CHD6: variants seen among roughly 807,000 people sequenced by gnomAD.
The protein encoded by CHD6 is ATP-dependent chromatin remodeler CHD6.
A neutral mutation model predicts 276.9 loss-of-function variants in CHD6; 50 were observed. That is an observed-to-expected ratio of 0.18 (90% confidence interval 0.14 to 0.23). The LOEUF is 0.23. Among genes scored for constraint, CHD6 ranks in the 10% least tolerant of loss-of-function variants. CHD6 has a pLI of 1.00. For missense variants in CHD6, 2,564 were observed against 3,365.8 expected (o/e 0.76, Z 5.89); for synonymous variants, 1,173 against 1,229.3 (o/e 0.95, Z 0.96).
chr20:41,405,098 G>C lies in CHD6; in HGVS notation c.7643C>G (p.Ser2548Cys). The change falls in exon 37 of 37, where the codon TCC (serine) becomes TGC (cysteine). Residue 2548 changes from serine to cysteine, a missense_variant. Transcript: ENST00000373233. Reference sequence around the variant, plus strand: ...GCTTGATAGAGACGCCGGAGCAGTGGAAGTGCAGGTGGTTGCCATGGGTGG... The same window carrying C: ...GCTTGATAGAGACGCCGGAGCAGTGCAAGTGCAGGTGGTTGCCATGGGTGG... ...LSPPMATTCT[S>C]TAPASLSSTT... is the part of the protein sequence containing the mutation. 2.5e-6 allele frequency: 4 copies of C among 1,614,248 alleles called. No homozygotes were observed. Among genetic ancestry groups the C allele is most frequent in the Non-Finnish European group, 3.4e-6 (4 of 1,180,052 alleles).
intron 1 of CHD6, among the ~76,000 whole-genome samples, chr20:41,581,178 AT>A (rs2045534629): frequency 6.6e-6 from 1 of 152,226 alleles, no homozygotes; most frequent in Non-Finnish European, 1.5e-5. Flanking sequence ...TTTTGTCTTA[AT>A]CATCATAATC....
chr20:41,483,955 T>C (rs2043354056), intron 15 of CHD6, among the ~76,000 whole-genome samples: 1 of 152,250 alleles, frequency 6.6e-6, no homozygotes, highest in Non-Finnish European at 1.5e-5. Flanking sequence ...ACTGTTAATT[T>C]GTCTACAGAG....
rs546894408 is a variant in CHD6, at chr20:41,405,035, G to A, written c.7706C>T (p.Ala2569Val). Residue 2569 changes from alanine (A) to valine (V), a missense_variant, in exon 37 of 37, where the codon GCG becomes GTG. Physicochemically the swap from Ala to Val is moderately conservative, Grantham distance 64 (BLOSUM62 0). Transcript: ENST00000373233. The part of the protein sequence containing the change: ...KSGTAVTEKT[A>V]EDKPSSHDVK... ...ATCATGGCTACTCGGCTTGTCTTCC[G>A]CAGTCTTTTCAGTCACTGCCGTACC... 31 of 1,614,044 alleles carry A rather than the reference G, an allele frequency of 1.9e-5. No individual in the cohort carries two copies. In the South Asian group the frequency reaches 2.5e-4, roughly 13 times the overall value.
chr20:41,499,622 A>G (rs548753207), intron 5 of CHD6, among the ~76,000 whole-genome samples: 1 of 152,260 alleles, frequency 6.6e-6, no homozygotes, highest in Admixed American at 6.5e-5. Context: ...CATTTAACAT[A>G]CCTAAAATTG....
intron 16 of CHD6, among the ~76,000 whole-genome samples, chr20:41,477,470 G>A (rs915482231): frequency 2.6e-4 from 39 of 151,540 alleles, no homozygotes; most frequent in Non-Finnish European, 4.4e-4. Context: ...ATAAGACTTC[G>A]ATTATATGCC....
intron 5 of CHD6, among the ~76,000 whole-genome samples, chr20:41,511,071 T>C: frequency 6.6e-6 from 1 of 152,200 alleles, no homozygotes; most frequent in East Asian, 1.9e-4. Flanking sequence ...TCTTCATTGT[T>C]AAAATAGGGA....
At chr20:41,493,756 T>TA in intron 9 of CHD6, 84 bp from the exon 10 acceptor site, 1 of 1,562,406 alleles carries the variant, frequency 6.4e-7, no homozygotes, top group Non-Finnish European at 8.8e-7. Flanking sequence ...AAAACCACCC[T>TA]ACGTGACTAG....
rs145869539 is a variant in CHD6 at position 41,449,315 on chromosome 20, G to C, written c.3684-1344C>G. Among the ~76,000 whole-genome samples the C allele has an allele frequency of 2.7e-3, 416 of 152,314 alleles. 2 individuals carry two copies. The highest frequency in any genetic ancestry group is 0.024 in the Middle Eastern group (7 of 294). On this transcript the variant is annotated intron_variant, in intron 23 of 36. Coordinates refer to ENST00000373233, the MANE Select transcript of CHD6 (RefSeq NM_032221.5). ...TCGTAGCTGTCAGCTTTAGTAAAAA[G>C]TGGAACAGAATGTCAGAGTCCTGCC...
rs61752058 is a variant in CHD6 at position 41,420,784 on chromosome 20, C to T, written c.5851G>A (p.Glu1951Lys). The change falls in exon 31 of 37, where the codon GAG becomes AAG. Residue 1951 changes from glutamate (E) to lysine (K), a missense_variant. This residue lies in a region of CHD6 where 1,024 missense variants were observed against 1,047.9 expected (regional missense o/e 0.98). Coordinates refer to ENST00000373233, the MANE Select transcript of CHD6 (RefSeq NM_032221.5). ...KHMERWMHGL[E>K]NDEFEIEKPK... is the part of the protein sequence containing the mutation. The stretch of plus-strand genomic sequence containing the variant: ...TTCTCGATTTCAAATTCATCATTCT[C>T]GAGGCCATGCATCCACCTCTCCATG... 4.5e-4 allele frequency: 727 copies of T among 1,614,208 alleles called. 5 individuals carry two copies. The African/African-American group carries it at 8.8e-3, about 20-fold the overall frequency.
rs71193638 is a variant in CHD6, at chr20:41,498,811, A to ATGTGTGTG, written c.915+476_915+483dup. 1.5e-3 allele frequency among the ~76,000 whole-genome samples: 126 copies of ATGTGTGTG among 86,602 alleles called. 1 individual carries two copies. Among genetic ancestry groups the ATGTGTGTG allele is most frequent in the South Asian group, 4.3e-3 (12 of 2,816 alleles). The allele number at this position is 86,602 out of a possible 152,430, so 56.8% of individuals were successfully genotyped here. On this transcript the variant is annotated intron_variant, in intron 6 of 36. Coordinates refer to ENST00000373233, the MANE Select transcript of CHD6 (RefSeq NM_032221.5). ...TATGTATGTATGTATGTATGTATGT[A>ATGTGTGTG]TGTGTGTGTGTGTGTGTGTGTGTGT...
intron 36 of CHD6, 151 bp downstream of exon 36, chr20:41,411,993 G>T: frequency 1.8e-6 from 2 of 1,116,364 alleles, no homozygotes; most frequent in Non-Finnish European, 2.5e-6. Context: ...ATTTCTTGCT[G>T]CTAATCAACT....
At chr20:41,437,772 A>C (rs2047761353) in intron 26 of CHD6, among the ~76,000 whole-genome samples, 1 of 152,198 alleles carries the variant, frequency 6.6e-6, no homozygotes, top group Non-Finnish European at 1.5e-5. Context: ...CTGCATCCAC[A>C]GACAAGGAGG....
At position 41,402,825 on chromosome 20, in the gene CHD6, T is replaced by C. The variant is rs1292881981; in HGVS notation, c.*1768A>G. The C allele has an allele frequency of 1.4e-5, 3 of 209,720 alleles. No homozygotes were observed. In the East Asian group the frequency reaches 2.2e-4, roughly 15 times the overall value. 13.0% of individuals were successfully genotyped at this position (209,720 alleles called of 1,614,324 possible). Reference sequence around the variant, plus strand: ...TTAGTTAAATAGAGAGAGCAGCATTTCTAAGAAATCTGTGGTCAGCATTAT... The same window carrying C: ...TTAGTTAAATAGAGAGAGCAGCATTCCTAAGAAATCTGTGGTCAGCATTAT... On this transcript the variant is annotated 3_prime_UTR_variant, in exon 37 of 37. Coordinates refer to ENST00000373233, the MANE Select transcript of CHD6 (RefSeq NM_032221.5).
intron 1 of CHD6, among the ~76,000 whole-genome samples, chr20:41,585,495 T>C (rs1601168141): frequency 8.6e-6 from 1 of 116,310 alleles, no homozygotes; most frequent in South Asian, 2.6e-4. Flanking sequence ...GCAACAAGAG[T>C]GAAACTCCGT....
chr20:41,553,097 T>C (rs947320472), intron 1 of CHD6, among the ~76,000 whole-genome samples: 1 of 152,194 alleles, frequency 6.6e-6, no homozygotes, highest in Admixed American at 6.5e-5. Context: ...TTAGTACAAG[T>C]TTATCTCCTT....
intron 1 of CHD6, among the ~76,000 whole-genome samples, chr20:41,572,355 A>T (rs1409123905): frequency 6.6e-6 from 1 of 152,162 alleles, no homozygotes; most frequent in African/African-American, 2.4e-5. Context: ...ACAAAGCACA[A>T]AGCACATGGT....
intron 17 of CHD6, among the ~76,000 whole-genome samples, chr20:41,471,386 A>G (rs2043048288): frequency 6.6e-6 from 1 of 152,178 alleles, no homozygotes; most frequent in African/African-American, 2.4e-5. Context: ...TGGGTTATTC[A>G]TTACATCCAG....
intron 2 of CHD6, among the ~76,000 whole-genome samples, chr20:41,547,027 C>T (rs763232265): frequency 4.6e-5 from 7 of 152,028 alleles, no homozygotes; most frequent in Non-Finnish European, 8.8e-5. Context: ...AGATTTTGAA[C>T]AAAGAAATGA....
chr20:41,548,958 A>C (rs1164924750), intron 2 of CHD6, among the ~76,000 whole-genome samples: 1 of 152,180 alleles, frequency 6.6e-6, no homozygotes, highest in African/African-American at 2.4e-5. Context: ...ATCTCACACC[A>C]GTTAGAATGG....
Sources: gnomAD v4.1 joint callset for allele counts (sites outside exome capture counted in the v4.1 genomes callset) on GRCh38, gnomAD v4.1.1 for gene constraint, gnomAD v4.1.1 regional missense constraint, MANE v1.5 for transcripts, NCBI Gene and HGNC (gene_info 2026-07-23, HGNC 2026-07-21) for gene names.